NEUROD1: variants seen among roughly 807,000 people sequenced by gnomAD.
NEUROD1 encodes the protein neuronal differentiation 1.
A neutral mutation model predicts 21.8 loss-of-function variants in NEUROD1; 9 were observed. That is an observed-to-expected ratio of 0.41 (90% CI 0.25 to 0.72). The LOEUF (loss-of-function observed/expected upper bound fraction) is 0.72, where lower values mean the gene tolerates loss of function less well. Among genes scored for constraint, NEUROD1 ranks in the 30% least tolerant of loss-of-function variants. The probability of loss-of-function intolerance (pLI) is 0.31; values close to 1 mark genes in which losing one functional copy is unlikely to be tolerated. For synonymous variants in NEUROD1, 199 were observed against 186.2 expected (o/e 1.07, Z -0.56); for missense variants, 434 against 468.8 (o/e 0.93, Z 0.69).
chr2:181,677,112 A>ATTTTTTTTTTTTTTTTTTTTT lies in NEUROD1; in HGVS notation c.*657_*677dup, dbSNP rs374172497. 6.1e-5 allele frequency: 3 copies of ATTTTTTTTTTTTTTTTTTTTT among 49,406 alleles called. No homozygotes were observed. The highest frequency in any genetic ancestry group is 1.1e-4 in the Non-Finnish European group (3 of 26,732). 3.1% of individuals were successfully genotyped at this position (49,406 alleles called of 1,614,324 possible). The stretch of plus-strand genomic sequence containing the variant: ...TGAAATGAATTGCTCAAATTGTGCA[A>ATTTTTTTTTTTTTTTTTTTTT]TTTTTTTTTTTTTTTTTTTTTTTTT... On this transcript the variant is annotated 3_prime_UTR_variant, in exon 2 of 2. Transcript: ENST00000295108.
chr2:181,671,137 A>AAAT (rs1688492600), exon 2 of NEUROD1, among the ~76,000 whole-genome samples: 1 of 152,070 alleles, frequency 6.6e-6, no homozygotes, highest in Non-Finnish European at 1.5e-5. Context: ...ATTAGACAAA[A>AAAT]AATAAAACCT....
rs1475260624 is a variant in NEUROD1 at position 181,677,930 on chromosome 2, C to A, written c.931G>T (p.Ala311Ser). 3.1e-6 allele frequency: 5 copies of A among 1,614,058 alleles called. No individual in the cohort carries two copies. The highest frequency in any genetic ancestry group is 3.4e-6 in the Non-Finnish European group (4 of 1,180,034). The change falls in exon 2 of 2, where the codon GCC becomes TCC. Residue 311 changes from alanine to serine, a missense_variant. Coordinates refer to ENST00000295108, the MANE Select transcript of NEUROD1 (RefSeq NM_002500.5). ...MHYPAATLAGAQSHGSIFSGT... is the reference protein window; with the variant it reads ...MHYPAATLAGSQSHGSIFSGT... The stretch of plus-strand genomic sequence containing the variant: ...GAGAAGATTGATCCGTGGCTTTGGG[C>A]CCCTGCCAGTGTCGCTGCAGGATAG...
At position 181,677,880 on chromosome 2, in the gene NEUROD1, C is replaced by T; in HGVS notation, c.981G>A (p.Glu327=). 1 of 1,614,200 alleles carries T rather than the reference C, an allele frequency of 6.2e-7. No individual in the cohort carries two copies. Among genetic ancestry groups the T allele is most frequent in the East Asian group, 2.2e-5 (1 of 44,878 alleles). Residue 327 remains glutamate (E), a synonymous_variant, in exon 2 of 2, where the codon GAG becomes GAA. Coordinates refer to ENST00000295108, the MANE Select transcript of NEUROD1 (RefSeq NM_002500.5). ...IFSGTAAPRC[E]IPIDNIMSFD... ...AGGACATAATATTGTCTATGGGGAT[C>T]TCGCAGCGAGGGGCAGCGGTGCCTG... is the stretch of plus-strand genomic sequence containing the variant.
rs71004600 is a variant in NEUROD1 at position 181,671,025 on chromosome 2, G to GCACACACACA, written n.2911_2920dup. Among the ~76,000 whole-genome samples the GCACACACACA allele has an allele frequency of 1.6e-3, 234 of 146,694 alleles. 2 individuals carry two copies. Among genetic ancestry groups the GCACACACACA allele is most frequent in the East Asian group, 0.016 (78 of 4,896 alleles). ...ACTCAACCAAGTATAGCATATGTGTGCACACACACACACACACACACACAC... is the reference window on the plus strand; with the variant it reads ...ACTCAACCAAGTATAGCATATGTGTGCACACACACACACACACACACACACACACACACAC... On this transcript the variant is annotated non_coding_transcript_exon_variant, in exon 2 of 2. Coordinates refer to the NEUROD1 transcript ENST00000496876.
downstream of NEUROD1, among the ~76,000 whole-genome samples, chr2:181,675,361 G>A (rs1688553597): frequency 6.6e-6 from 1 of 152,158 alleles, no homozygotes; most frequent in African/African-American, 2.4e-5. Flanking sequence ...TTATTAGTAT[G>A]GCTAATTGTT....
Position 181,678,395 on chromosome 2 carries a change from TCTC to T in NEUROD1, c.463_465del (p.Glu155del). The stretch of plus-strand genomic sequence containing the variant: ...TCTGGGCTTTTGCCTGAGCGCAGGA[TCTC>T]CGACAGAGCCCAGATGTAGTTCTTG... On this transcript the variant is annotated inframe_deletion, in exon 2 of 2. Transcript: ENST00000295108. This position sits in a 1 kb window ranked among gnomAD's most constrained non-coding sequence, Gnocchi z 5.5. 2 of 1,614,162 alleles carry T rather than the reference TCTC, an allele frequency of 1.2e-6. No individual in the cohort carries two copies. Among genetic ancestry groups the T allele is most frequent in the Non-Finnish European group, 1.7e-6 (2 of 1,180,018 alleles).
Position 181,678,874 on chromosome 2 carries a change from A to G in NEUROD1, c.-11-3T>C, listed in dbSNP as rs1688649029. ...CGATTTGGTCATGTTTCGATTTCCT[A>G]CATTCAACAAGGGAGAGGCAAACAG... On this transcript the variant is annotated splice_region_variant and splice_polypyrimidine_tract_variant and intron_variant, in intron 1 of 1. Coordinates refer to ENST00000295108, the MANE Select transcript of NEUROD1 (RefSeq NM_002500.5). This position sits in a 1 kb window ranked among gnomAD's most constrained non-coding sequence, Gnocchi z 5.5. The G allele has an allele frequency of 6.2e-7, 1 of 1,613,212 alleles. No homozygotes were observed. Among genetic ancestry groups the G allele is most frequent in the Non-Finnish European group, 8.5e-7 (1 of 1,180,032 alleles).
At position 181,678,070 on chromosome 2, in the gene NEUROD1, C is replaced by A; in HGVS notation, c.791G>T (p.Cys264Phe). 6.2e-7 allele frequency: 1 copy of A among 1,614,192 alleles called. No individual in the cohort carries two copies. Among genetic ancestry groups the A allele is most frequent in the Non-Finnish European group, 8.5e-7 (1 of 1,180,032 alleles). ...EPFFESPLTD[C>F]TSPSFDGPLS... ...GGGTCCATCAAAGGAAGGGCTGGTG[C>A]AATCAGTCAGAGGGCTTTCAAAGAA... is the stretch of plus-strand genomic sequence containing the variant. The change falls in exon 2 of 2, where the codon TGC (cysteine) becomes TTC (phenylalanine). Residue 264 changes from cysteine (C) to phenylalanine (F), a missense_variant. Coordinates refer to ENST00000295108, the MANE Select transcript of NEUROD1 (RefSeq NM_002500.5). This position sits in a 1 kb window ranked among gnomAD's most constrained non-coding sequence, Gnocchi z 5.5.
At chr2:181,674,159 T>G (rs1688533029), downstream of NEUROD1, among the ~76,000 whole-genome samples, 1 of 152,208 alleles carries the variant, frequency 6.6e-6, no homozygotes, top group African/African-American at 2.4e-5. Flanking sequence ...TTCCCCCTGA[T>G]TTTACATACC....
chr2:181,678,247 G>T lies in NEUROD1; in HGVS notation c.614C>A (p.Pro205His), dbSNP rs560115414. ...FLPEQNQDMP[P>H]HLPTASASFP... ...GGAAGCGCTGGCCGTCGGCAGGTGG[G>T]GGGGCATGTCCTGGTTCTGCTCAGG... Residue 205 changes from proline to histidine, a missense_variant, in exon 2 of 2, where the codon CCC becomes CAC. Transcript: ENST00000295108. The surrounding 1 kb of genome is among the most constrained non-coding windows in gnomAD (Gnocchi z 5.5). 2.5e-6 allele frequency: 4 copies of T among 1,614,070 alleles called. No individual in the cohort carries two copies. In the African/African-American group the frequency reaches 4.0e-5, roughly 16 times the overall value.
chr2:181,679,245 T>C (rs185525513), intron 1 of NEUROD1, among the ~76,000 whole-genome samples: 1 of 151,234 alleles, frequency 6.6e-6, no homozygotes, highest in East Asian at 1.9e-4. Context: ...TATCCAAATG[T>C]GTTCAAAGTT....
At chr2:181,671,483 A>T (rs1688498074), downstream of NEUROD1, among the ~76,000 whole-genome samples, 1 of 151,924 alleles carries the variant, frequency 6.6e-6, no homozygotes, top group Non-Finnish European at 1.5e-5. Flanking sequence ...AGGCTGGAGT[A>T]CAGTGGTACA....
At chr2:181,671,278 A>C (rs1688494448) in exon 2 of NEUROD1, among the ~76,000 whole-genome samples, 2 of 152,182 alleles carry the variant, frequency 1.3e-5, no homozygotes, top group Non-Finnish European at 2.9e-5. Flanking sequence ...CTATTAACAA[A>C]GAAATTCTTC....
chr2:181,678,066 G>A lies in NEUROD1; in HGVS notation c.795C>T (p.Thr265=). 1 of 1,614,194 alleles carries A rather than the reference G, an allele frequency of 6.2e-7. No individual in the cohort carries two copies. The highest frequency in any genetic ancestry group is 8.5e-7 in the Non-Finnish European group (1 of 1,180,034). Reference sequence around the variant, plus strand: ...TGAGGGGTCCATCAAAGGAAGGGCTGGTGCAATCAGTCAGAGGGCTTTCAA... The same window carrying A: ...TGAGGGGTCCATCAAAGGAAGGGCTAGTGCAATCAGTCAGAGGGCTTTCAA... The part of the protein sequence containing the change: ...PFFESPLTDC[T]SPSFDGPLSP... Residue 265 remains threonine, a synonymous_variant, in exon 2 of 2, where the codon ACC becomes ACT. Coordinates refer to ENST00000295108, the MANE Select transcript of NEUROD1 (RefSeq NM_002500.5). This position sits in a 1 kb window ranked among gnomAD's most constrained non-coding sequence, Gnocchi z 5.5.
chr2:181,670,530 G>T (rs1044763555), exon 2 of NEUROD1, among the ~76,000 whole-genome samples: 1 of 152,090 alleles, frequency 6.6e-6, no homozygotes, highest in Non-Finnish European at 1.5e-5. Context: ...ATACCTATCA[G>T]TTTCCTAGGG....
Position 181,678,718 on chromosome 2 carries a change from G to T in NEUROD1, c.143C>A (p.Ala48Glu), listed in dbSNP as rs1001325253. Residue 48 changes from alanine (A) to glutamate (E), a missense_variant, in exon 2 of 2, where the codon GCA becomes GAA. Coordinates refer to ENST00000295108, the MANE Select transcript of NEUROD1 (RefSeq NM_002500.5). The surrounding 1 kb of genome is among the most constrained non-coding windows in gnomAD (Gnocchi z 5.5). ...KKEDDLETMN[A>E]EEDSLRNGGE... ...CCCGTTCCTCAGTGAGTCCTCCTCT[G>T]CGTTCATGGTTTCGAGGTCGTCCTC... 11 of 1,611,882 alleles carry T rather than the reference G, an allele frequency of 6.8e-6. No homozygotes were observed. Among genetic ancestry groups the T allele is most frequent in the African/African-American group, 1.3e-5 (1 of 74,760 alleles).
rs767449925 is a variant in NEUROD1, at chr2:181,678,183, C to A, written c.678G>T (p.Leu226=). Residue 226 remains leucine (L), a synonymous_variant, in exon 2 of 2, where the codon CTG becomes CTT. Transcript: ENST00000295108. This position sits in a 1 kb window ranked among gnomAD's most constrained non-coding sequence, Gnocchi z 5.5. ...VHPYSYQSPG[L]PSPPYGTMDS... ...CCATGGTACCGTAAGGCGGACTGGG[C>A]AGCCCAGGCGACTGGTAGGAGTAGG... is the stretch of plus-strand genomic sequence containing the variant. 1 of 1,614,108 alleles carries A rather than the reference C, an allele frequency of 6.2e-7. No homozygotes were observed. The highest frequency in any genetic ancestry group is 1.3e-5 in the African/African-American group (1 of 75,032).
chr2:181,669,118 A>T (rs945148145), downstream of NEUROD1, among the ~76,000 whole-genome samples: 8 of 152,022 alleles, frequency 5.3e-5, no homozygotes, highest in Admixed American at 5.2e-4. Context: ...ACCTTCCTCA[A>T]TTTCGTCTTC....
chr2:181,674,122 T>C (rs1688532339), downstream of NEUROD1, among the ~76,000 whole-genome samples: 2 of 152,180 alleles, frequency 1.3e-5, no homozygotes, highest in Admixed American at 1.3e-4. Context: ...TGTTACAATA[T>C]TTAGCCCAAT....
Sources: gnomAD v4.1 joint callset for allele counts (sites outside exome capture counted in the v4.1 genomes callset) on GRCh38, gnomAD v4.1.1 for gene constraint, Gnocchi (gnomAD v3.1) non-coding constraint, MANE v1.5 for transcripts, NCBI Gene and HGNC (gene_info 2026-07-23, HGNC 2026-07-21) for gene names.